The following SNX6 variants were observed in gnomAD, a reference collection of about 807,000 sequenced individuals.
The protein encoded by SNX6 is sorting nexin 6.
SNX6 carries 34 observed loss-of-function variants against 63.0 expected under a neutral mutation model. The ratio of observed to expected loss-of-function variants is 0.54; its 90% confidence interval spans 0.41 to 0.72. The LOEUF is 0.72. Among genes scored for constraint, SNX6 ranks in the 30% least tolerant of loss-of-function variants. The pLI, the probability that SNX6 is intolerant of heterozygous loss-of-function variation, is 0.00. For synonymous variants in SNX6, 170 were observed against 164.2 expected, an observed-to-expected ratio of 1.04 and a Z score of -0.27; for missense variants, 398 against 471.4, an observed-to-expected ratio of 0.84 and a Z score of 1.44.
At chr14:34,590,246 G>C (rs1330310556) in intron 8 of SNX6, among the ~76,000 whole-genome samples, 1 of 151,938 alleles carries the variant, frequency 6.6e-6, no homozygotes, top group Non-Finnish European at 1.5e-5. Flanking sequence ...GGCTAACACA[G>C]TGAAACCCTG....
intron 2 of SNX6, among the ~76,000 whole-genome samples, chr14:34,620,721 A>ACT (rs1883589868): frequency 6.6e-6 from 1 of 151,844 alleles, no homozygotes. Flanking sequence ...CAGGAGGATC[A>ACT]CTTGAGGCCA....
intron 10 of SNX6, among the ~76,000 whole-genome samples, chr14:34,578,738 A>C (rs974067190): frequency 1.5e-4 from 22 of 151,638 alleles, no homozygotes; most frequent in African/African-American, 5.3e-4. Flanking sequence ...CAAGAGATCA[A>C]GACCGCCCTG....
intron 11 of SNX6, chr14:34,568,669 T>A: frequency 1.1e-6 from 1 of 886,396 alleles, no homozygotes; most frequent in Non-Finnish European, 1.9e-6. Context: ...AGGCAATTTA[T>A]TAACCCAGCA....
chr14:34,590,142 G>C (rs1305721473), intron 8 of SNX6, among the ~76,000 whole-genome samples: 1 of 151,724 alleles, frequency 6.6e-6, no homozygotes, highest in Non-Finnish European at 1.5e-5. Context: ...CAAGAATAAA[G>C]CTGGGGCCAG....
At chr14:34,607,223 A>C (rs1340463785) in intron 4 of SNX6, among the ~76,000 whole-genome samples, 1 of 152,226 alleles carries the variant, frequency 6.6e-6, no homozygotes, top group Non-Finnish European at 1.5e-5. Flanking sequence ...ACACTTCAGG[A>C]TAAAAGGTGG....
At chr14:34,600,706 A>AC (rs1882777371) in intron 6 of SNX6, among the ~76,000 whole-genome samples, 1 of 152,074 alleles carries the variant, frequency 6.6e-6, no homozygotes, top group Non-Finnish European at 1.5e-5. Context: ...TCAGTAAAAA[A>AC]TTTTTTGCCA....
At chr14:34,571,805 G>T (rs1881464410) in intron 11 of SNX6, among the ~76,000 whole-genome samples, 1 of 152,158 alleles carries the variant, frequency 6.6e-6, no homozygotes, top group Non-Finnish European at 1.5e-5. Flanking sequence ...ATTTTCAGCT[G>T]TTACAAATAA....
intron 2 of SNX6, among the ~76,000 whole-genome samples, chr14:34,621,346 G>A (rs1883614678): frequency 6.6e-6 from 1 of 152,118 alleles, no homozygotes; most frequent in South Asian, 2.1e-4. Context: ...TTTCCCTTGG[G>A]TGCTAGCTAA....
At chr14:34,604,287 A>G (rs1009602169) in intron 5 of SNX6, 2 of 1,251,914 alleles carry the variant, frequency 1.6e-6, no homozygotes, top group African/African-American at 3.1e-5. Context: ...ACCACAAAAG[A>G]ATCATGATCA....
chr14:34,563,209 T>C, intron 13 of SNX6, 34 bp from the exon 14 acceptor site: 1 of 1,584,516 alleles, frequency 6.3e-7, no homozygotes, highest in Non-Finnish European at 8.7e-7. Flanking sequence ...TTACAAATTT[T>C]ATTTCAAACA....
chr14:34,621,023 A>G (rs569901216), intron 2 of SNX6, among the ~76,000 whole-genome samples: 1 of 152,260 alleles, frequency 6.6e-6, no homozygotes, highest in African/African-American at 2.4e-5. Flanking sequence ...ATCATAGCTC[A>G]TTACAGCCTC....
rs114494429 is a variant in SNX6 at position 34,608,579 on chromosome 14, C to T, written c.160-439G>A. Among the ~76,000 whole-genome samples the T allele has an allele frequency of 6.1e-3, 934 of 152,240 alleles. 3 individuals carry two copies. Among genetic ancestry groups the T allele is most frequent in the African/African-American group, 0.022 (901 of 41,538 alleles). Reference sequence around the variant, plus strand: ...TGAGCTATATGGACAAGATTATCTTCGGATTGTTGGGAAAGTAAGTTGACA... The same window carrying T: ...TGAGCTATATGGACAAGATTATCTTTGGATTGTTGGGAAAGTAAGTTGACA... On this transcript the variant is annotated intron_variant, in intron 3 of 13. Transcript: ENST00000362031.
chr14:34,577,371 G>C (rs1245920633), intron 10 of SNX6, among the ~76,000 whole-genome samples: 3 of 152,122 alleles, frequency 2.0e-5, no homozygotes, highest in Non-Finnish European at 4.4e-5. Context: ...TTACAGATGT[G>C]AGCCGCTGTG....
chr14:34,569,422 T>G (rs12050294), intron 11 of SNX6, among the ~76,000 whole-genome samples: 56,588 of 147,176 alleles, frequency 0.38, 12,412 homozygotes, highest in East Asian at 0.75. Flanking sequence ...TCTGGACATG[T>G]TTTTTTTTTT....
chr14:34,610,349 T>C (rs1277980535), intron 2 of SNX6, among the ~76,000 whole-genome samples: 1 of 48,640 alleles, frequency 2.1e-5, no homozygotes, highest in African/African-American at 1.1e-4. Context: ...AGCAAAACCG[T>C]CTCAAAAAAA....
At chr14:34,606,805 G>A (rs1883039110) in intron 4 of SNX6, among the ~76,000 whole-genome samples, 1 of 151,630 alleles carries the variant, frequency 6.6e-6, no homozygotes, top group Non-Finnish European at 1.5e-5. Flanking sequence ...TTGAGATGGA[G>A]GCTCGCTCTG....
intron 2 of SNX6, among the ~76,000 whole-genome samples, chr14:34,621,709 C>T (rs1883627715): frequency 6.6e-6 from 1 of 152,156 alleles, no homozygotes; most frequent in Non-Finnish European, 1.5e-5. Flanking sequence ...CTCCTTCTCC[C>T]TTGCCCAGCC....
chr14:34,626,988 T>C (rs1449884852), intron 2 of SNX6, among the ~76,000 whole-genome samples: 1 of 152,120 alleles, frequency 6.6e-6, no homozygotes, highest in Non-Finnish European at 1.5e-5. Flanking sequence ...CTCTGCTAGT[T>C]TCCGCTATTT....
intron 2 of SNX6, among the ~76,000 whole-genome samples, chr14:34,622,524 A>G (rs1883663727): frequency 6.8e-6 from 1 of 146,908 alleles, no homozygotes; most frequent in African/African-American, 2.5e-5. Flanking sequence ...CGGAGCTTGC[A>G]GTGAGCCGAG....
Sources: gnomAD v4.1 joint callset for allele counts (sites outside exome capture counted in the v4.1 genomes callset) on GRCh38, gnomAD v4.1.1 for gene constraint, MANE v1.5 for transcripts, NCBI Gene and HGNC (gene_info 2026-07-23, HGNC 2026-07-21) for gene names.